NAPB: variants seen among roughly 807,000 people sequenced by gnomAD.
NAPB encodes beta-soluble NSF attachment protein.
In NAPB, 26 loss-of-function variants were observed where a neutral mutation model predicts 44.7. The observed-to-expected ratio is 0.58, with a 90% CI of 0.43 to 0.81. The LOEUF (loss-of-function observed/expected upper bound fraction) is 0.81. NAPB is among the 30% of genes least tolerant of loss of function. NAPB has a pLI of 0.00. For synonymous variants in NAPB, 120 were observed against 116.8 expected (o/e 1.03, Z -0.18); for missense variants, 315 against 356.4 (o/e 0.88, Z 0.94).
At chr20:23,388,947 AAC>A (rs2123165054) in intron 7 of NAPB, among the ~76,000 whole-genome samples, 1 of 152,298 alleles carries the variant, frequency 6.6e-6, no homozygotes, top group East Asian at 1.9e-4. Context: ...GGACATTAAT[AAC>A]AGAGTCCAGA....
At chr20:23,405,671 C>T (rs563863950) in intron 1 of NAPB, among the ~76,000 whole-genome samples, 2 of 152,124 alleles carry the variant, frequency 1.3e-5, no homozygotes, top group Non-Finnish European at 2.9e-5. Flanking sequence ...ATGCACTGAG[C>T]CGAGATAGTG....
rs1164110378 is a variant in NAPB at position 23,376,141 on chromosome 20, T to G, written c.*1235A>C. 1 of 114,064 alleles carries G rather than the reference T, an allele frequency of 8.8e-6. No individual in the cohort carries two copies. Among genetic ancestry groups the G allele is most frequent in the African/African-American group, 4.4e-5 (1 of 22,572 alleles). 7.1% of individuals were successfully genotyped at this position (114,064 alleles called of 1,614,324 possible). ...TAAGTCTGGCAACACATTTCAAATA[T>G]AAATCATTTAACTATAAATATTCAG... is the stretch of plus-strand genomic sequence containing the variant. On this transcript the variant is annotated 3_prime_UTR_variant, in exon 11 of 11. Coordinates refer to ENST00000377026, the MANE Select transcript of NAPB (RefSeq NM_022080.3).
chr20:23,410,099 G>T (rs1985544711), intron 1 of NAPB, among the ~76,000 whole-genome samples: 1 of 152,212 alleles, frequency 6.6e-6, no homozygotes, highest in African/African-American at 2.4e-5. Flanking sequence ...CAACTTAGAA[G>T]GTGGGGGCAG....
intron 1 of NAPB, among the ~76,000 whole-genome samples, chr20:23,407,526 A>T (rs1985337874): frequency 6.6e-6 from 1 of 152,172 alleles, no homozygotes; most frequent in Non-Finnish European, 1.5e-5. Context: ...CTGCCCAGCT[A>T]GCACAAAAAC....
intron 7 of NAPB, among the ~76,000 whole-genome samples, chr20:23,383,279 T>G (rs1220595903): frequency 1.3e-5 from 2 of 151,318 alleles, no homozygotes; most frequent in Non-Finnish European, 2.9e-5. Flanking sequence ...GAAACTCAAA[T>G]AGCTTAAAAC....
chr20:23,400,125 C>T (rs1397059885), intron 2 of NAPB, among the ~76,000 whole-genome samples: 3 of 152,226 alleles, frequency 2.0e-5, no homozygotes, highest in East Asian at 1.9e-4. Flanking sequence ...TTTAATTTTA[C>T]ATTTTCACAT....
intron 9 of NAPB, 170 bp from the exon 10 acceptor site, chr20:23,379,665 TCAGGTGCCTATTTCAGAA>T: frequency 1.5e-6 from 1 of 663,038 alleles, no homozygotes; most frequent in Non-Finnish European, 2.6e-6. Flanking sequence ...GTAACATTTC[TCAGGTGCCTATTTCAGAA>T]CACAACTACA....
At chr20:23,387,350 CTT>C (rs1249820499) in intron 7 of NAPB, among the ~76,000 whole-genome samples, 1 of 152,178 alleles carries the variant, frequency 6.6e-6, no homozygotes, top group Non-Finnish European at 1.5e-5. Flanking sequence ...GATGTCTGCT[CTT>C]GTCACTTCTA....
chr20:23,389,938 ATCCTCACCTGC>A lies in NAPB; in HGVS notation c.558_561+7del. 6.2e-7 allele frequency: 1 copy of A among 1,611,194 alleles called. No individual in the cohort carries two copies. The highest frequency in any genetic ancestry group is 1.1e-5 in the South Asian group (1 of 90,882). ...AACTTCTCTCCAAGGAAACAACAGT[ATCCTCACCTGC>A]TCATAGATCTCAATGGCTTTCTGGT... is the stretch of plus-strand genomic sequence containing the variant. On this transcript the variant is annotated splice_donor_variant and splice_donor_5th_base_variant and coding_sequence_variant and intron_variant, in exon 7 of 11. Transcript: ENST00000377026. LOFTEE classifies it high-confidence loss of function.
chr20:23,417,968 A>C (rs1045371407), intron 1 of NAPB, among the ~76,000 whole-genome samples: 9 of 152,238 alleles, frequency 5.9e-5, no homozygotes, highest in Admixed American at 1.3e-4. Context: ...AAGCTATAGA[A>C]TACTACTAAG....
At chr20:23,398,039 T>C (rs1984504962) in intron 2 of NAPB, among the ~76,000 whole-genome samples, 1 of 152,134 alleles carries the variant, frequency 6.6e-6, no homozygotes, top group South Asian at 2.1e-4. Flanking sequence ...GGGCTGGAAG[T>C]GGAGGCCAGT....
chr20:23,407,265 T>C (rs982221909), intron 1 of NAPB, among the ~76,000 whole-genome samples: 1 of 152,248 alleles, frequency 6.6e-6, no homozygotes, highest in Non-Finnish European at 1.5e-5. Flanking sequence ...GTTAATTTTT[T>C]GTAAATTTTA....
At chr20:23,398,854 A>ATTTTTTTTT (rs34074566) in intron 2 of NAPB, among the ~76,000 whole-genome samples, 11 of 90,430 alleles carry the variant, frequency 1.2e-4, no homozygotes, top group Admixed American at 1.5e-4. Flanking sequence ...CAAAAAAAAA[A>ATTTTTTTTT]TTTTTTTTTT....
chr20:23,388,681 G>A (rs1484610933), intron 7 of NAPB, among the ~76,000 whole-genome samples: 1 of 152,066 alleles, frequency 6.6e-6, no homozygotes, highest in Non-Finnish European at 1.5e-5. Context: ...TCAACAATTA[G>A]TGCTAGAAAA....
intron 1 of NAPB, among the ~76,000 whole-genome samples, chr20:23,421,067 G>A (rs1476048803): frequency 6.6e-6 from 1 of 151,642 alleles, no homozygotes; most frequent in Non-Finnish European, 1.5e-5. Context: ...GACCCTGGGG[G>A]GGCCTGTGGG....
At chr20:23,389,250 A>AAG (rs2123166624) in intron 7 of NAPB, among the ~76,000 whole-genome samples, 1 of 150,924 alleles carries the variant, frequency 6.6e-6, no homozygotes, top group African/African-American at 2.5e-5. Context: ...AAAAAAAAAA[A>AAG]AACCAAAACA....
Position 23,390,637 on chromosome 20 carries a change from T to G in NAPB, c.421-373A>C, listed in dbSNP as rs914634542. 2.6e-5 allele frequency among the ~76,000 whole-genome samples: 4 copies of G among 152,240 alleles called. No homozygotes were observed. The South Asian group carries it at 6.2e-4, about 24-fold the overall frequency. ...CCTCCTCCAGGCCTTCCACTTCCCATGAGCTAGGAGGGCTATGACCAAGTC... is the reference window on the plus strand; with the variant it reads ...CCTCCTCCAGGCCTTCCACTTCCCAGGAGCTAGGAGGGCTATGACCAAGTC... On this transcript the variant is annotated intron_variant, in intron 5 of 10. Coordinates refer to ENST00000377026, the MANE Select transcript of NAPB (RefSeq NM_022080.3).
chr20:23,379,638 G>C (rs779445356), intron 9 of NAPB, 143 bp from the exon 10 acceptor site: 126 of 696,094 alleles, frequency 1.8e-4, no homozygotes, highest in Admixed American at 3.1e-4. Flanking sequence ...AGCCAAGTTA[G>C]GGATCTAGCT....
intron 7 of NAPB, among the ~76,000 whole-genome samples, chr20:23,386,242 T>C (rs1383268500): frequency 6.6e-6 from 1 of 152,140 alleles, no homozygotes; most frequent in Non-Finnish European, 1.5e-5. Context: ...TAAACTTCCA[T>C]GTCAAGCACC....
Sources: allele counts gnomAD v4.1 joint callset (sites outside exome capture counted in the v4.1 genomes callset), GRCh38; gene constraint gnomAD v4.1.1; transcripts MANE v1.5; gene names NCBI Gene and HGNC (gene_info 2026-07-23, HGNC 2026-07-21).